Variants in FAM193A observed in about 807,000 individuals in gnomAD.
FAM193A encodes family with sequence similarity 193 member A.
In FAM193A, 22 loss-of-function variants were observed where a neutral mutation model predicts 126.5. The observed-to-expected ratio is 0.17, with a 90% CI of 0.12 to 0.25. The LOEUF (loss-of-function observed/expected upper bound fraction) is 0.25, where lower values mean the gene tolerates loss of function less well. FAM193A is among the 10% of genes least tolerant of loss of function. The pLI is 1.00. For synonymous variants in FAM193A, 761 were observed against 646.8 expected, an observed-to-expected ratio of 1.18 and a Z score of -2.68; for missense variants, 1,675 against 1,672.8, an observed-to-expected ratio of 1.00 and a Z score of -0.02.
At chr4:2,718,634 G>A (rs1000114622) in intron 20 of FAM193A, among the ~76,000 whole-genome samples, 2 of 152,154 alleles carry the variant, frequency 1.3e-5, no homozygotes, top group Non-Finnish European at 2.9e-5. Flanking sequence ...GGCTGAGGTG[G>A]GAGGATGGGT....
At chr4:2,728,882 TTCCACCTCCAAAAC>T (rs1721051644) in intron 20 of FAM193A, among the ~76,000 whole-genome samples, 1 of 148,750 alleles carries the variant, frequency 6.7e-6, no homozygotes, top group Non-Finnish European at 1.5e-5. Context: ...AGCAAATATG[TTCCACCTCCAAAAC>T]TTTTTTTTTT....
At chr4:2,603,525 C>A (rs1003434609) in intron 2 of FAM193A, among the ~76,000 whole-genome samples, 14 of 140,884 alleles carry the variant, frequency 9.9e-5, no homozygotes, top group Middle Eastern at 4.5e-3. Flanking sequence ...GGTGCGATCT[C>A]GGCTCACTGC....
rs549201977 is a variant in FAM193A, at chr4:2,600,014, C to T, written c.501+3685C>T. ...TCCTGGGTTCAGGTGATTCTCATGC[C>T]TCAGCCTCCCGAGTACCGGGGACTA... is the stretch of plus-strand genomic sequence containing the variant. On this transcript the variant is annotated intron_variant, in intron 2 of 20. Coordinates refer to ENST00000637812, the MANE Select transcript of FAM193A (RefSeq NM_001366318.2). Among the ~76,000 whole-genome samples, 7 of 152,274 alleles carry T rather than the reference C, an allele frequency of 4.6e-5. No individual in the cohort carries two copies. In the South Asian group the frequency reaches 1.4e-3, roughly 32 times the overall value.
chr4:2,704,557 C>T (rs148174186), intron 19 of FAM193A, among the ~76,000 whole-genome samples: 132 of 151,844 alleles, frequency 8.7e-4, no homozygotes, highest in African/African-American at 3.0e-3. Flanking sequence ...AGAGCAAGAC[C>T]CTATCTGAAA....
At chr4:2,718,349 A>G (rs967908391) in intron 20 of FAM193A, among the ~76,000 whole-genome samples, 1 of 152,150 alleles carries the variant, frequency 6.6e-6, no homozygotes, top group Non-Finnish European at 1.5e-5. Context: ...GATGTTGATA[A>G]CTATCAAAGT....
intron 1 of FAM193A, among the ~76,000 whole-genome samples, chr4:2,552,028 T>TTTC (rs1178141490): frequency 6.7e-6 from 1 of 148,460 alleles, no homozygotes; most frequent in African/African-American, 2.5e-5. Context: ...TTTTTTTTTT[T>TTTC]CGAGACAGAG....
chr4:2,689,728 T>A (rs763274639), intron 14 of FAM193A, 24 bp downstream of exon 14: 1 of 1,530,310 alleles, frequency 6.5e-7, no homozygotes, highest in Non-Finnish European at 8.8e-7. Context: ...TAAAACTTTC[T>A]TGAAGTTTTA....
rs1560587568 is a variant in FAM193A, at chr4:2,700,507, T to G, written c.4335T>G (p.Asn1445Lys). ...AGCCAAAGGGCAAGAACAAGAAAAA[T>G]AAGAAGAAGAAAGGAGACAGAGTCA... Reference protein sequence around the residue: ...SPQPKGKNKKNKKKKGDRVNN... With the variant: ...SPQPKGKNKKKKKKKGDRVNN... Residue 1445 changes from asparagine to lysine, a missense_variant, in exon 19 of 21, where the codon AAT (asparagine) becomes AAG (lysine). Physicochemically the swap from Asn to Lys is moderately conservative, Grantham distance 94. Coordinates refer to ENST00000637812, the MANE Select transcript of FAM193A (RefSeq NM_001366318.2). 2 of 1,612,354 alleles carry G rather than the reference T, an allele frequency of 1.2e-6. No individual in the cohort carries two copies. The highest frequency in any genetic ancestry group is 1.7e-5 in the Admixed American group (1 of 59,562).
At chr4:2,551,496 C>A (rs1042425384) in intron 1 of FAM193A, among the ~76,000 whole-genome samples, 1 of 152,150 alleles carries the variant, frequency 6.6e-6, no homozygotes, top group East Asian at 1.9e-4. Flanking sequence ...TTATTTCTTT[C>A]TCTATGTTAG....
rs1553912486 is a variant in FAM193A, at chr4:2,699,444, C to CACA, written c.3508-236_3508-235insACA. ...ATTTTTTGTTAACTACCACCCCCCC[C>CACA]CCCACACACACACACACAAATAAGT... On this transcript the variant is annotated intron_variant, in intron 18 of 20. Transcript: ENST00000637812. Among the ~76,000 whole-genome samples, 24 of 87,658 alleles carry CACA rather than the reference C, an allele frequency of 2.7e-4. 1 individual carries two copies. In the South Asian group the frequency reaches 0.012, roughly 45 times the overall value. The allele number at this position is 87,658 out of a possible 152,430, so 57.5% of individuals were successfully genotyped here. A position where few individuals can be genotyped will look rare whatever the true frequency, so the allele number is the denominator to read the frequency against.
chr4:2,689,199 A>G (rs1264128100), intron 13 of FAM193A, among the ~76,000 whole-genome samples: 1 of 152,246 alleles, frequency 6.6e-6, no homozygotes, highest in South Asian at 2.1e-4. Context: ...TACGACGCAC[A>G]TGGCACACTC....
chr4:2,716,726 G>C (rs1719575186), intron 20 of FAM193A, among the ~76,000 whole-genome samples: 1 of 152,062 alleles, frequency 6.6e-6, no homozygotes, highest in South Asian at 2.1e-4. Context: ...ACCCAGGCTG[G>C]AGTGCAGTGG....
intron 1 of FAM193A, among the ~76,000 whole-genome samples, chr4:2,590,509 AAAAAAAAC>A (rs1740504513): frequency 7.5e-6 from 1 of 133,528 alleles, no homozygotes; most frequent in African/African-American, 3.5e-5. Context: ...AAAAAAACAA[AAAAAAAAC>A]AAAACAAAAT....
At chr4:2,579,218 G>A (rs1019307726) in intron 1 of FAM193A, among the ~76,000 whole-genome samples, 1 of 152,046 alleles carries the variant, frequency 6.6e-6, no homozygotes, top group Non-Finnish European at 1.5e-5. Context: ...ATCATGGCTG[G>A]GCGCGGTGGC....
At chr4:2,563,688 A>C (rs150510529) in intron 1 of FAM193A, among the ~76,000 whole-genome samples, 379 of 152,328 alleles carry the variant, frequency 2.5e-3, no homozygotes, top group African/African-American at 8.0e-3. Context: ...CCATGTATGA[A>C]GTTTAAAAAA....
At position 2,695,178 on chromosome 4, in the gene FAM193A, C is replaced by T. The variant is rs753190602; in HGVS notation, c.3276+49C>T. On this transcript the variant is annotated intron_variant, in intron 17 of 20. Transcript: ENST00000637812. ...CATGATGTGGGAAGTGTGCAACACA[C>T]GGGCTCCTTTGCAGAAATTCTGTAC... 2.2e-5 allele frequency: 33 copies of T among 1,467,108 alleles called. 1 individual carries two copies. In the Middle Eastern group the frequency reaches 5.3e-4, roughly 24 times the overall value. 90.9% of individuals were successfully genotyped at this position (1,467,108 alleles called of 1,614,324 possible).
intron 20 of FAM193A, among the ~76,000 whole-genome samples, chr4:2,726,971 T>G (rs1474302750): frequency 1.7e-5 from 2 of 116,016 alleles, no homozygotes; most frequent in African/African-American, 6.1e-5. Flanking sequence ...AAAAAAAAAA[T>G]TGTGACCAGC....
intron 20 of FAM193A, among the ~76,000 whole-genome samples, chr4:2,718,760 A>G (rs991773281): frequency 3.3e-5 from 5 of 152,068 alleles, no homozygotes; most frequent in African/African-American, 1.2e-4. Flanking sequence ...TAAATATATA[A>G]GTGAAAAGGA....
At chr4:2,589,773 A>G (rs928189876) in intron 1 of FAM193A, among the ~76,000 whole-genome samples, 1 of 152,204 alleles carries the variant, frequency 6.6e-6, no homozygotes, top group African/African-American at 2.4e-5. Context: ...GAAAGGGTGA[A>G]AAGGGCACAG....
Sources: gnomAD v4.1 joint callset for allele counts (sites outside exome capture counted in the v4.1 genomes callset) on GRCh38, gnomAD v4.1.1 for gene constraint, MANE v1.5 for transcripts, NCBI Gene and HGNC (gene_info 2026-07-23, HGNC 2026-07-21) for gene names.